The following GPC6 variants were observed in gnomAD, a reference collection of about 807,000 sequenced individuals.
GPC6 encodes the protein glypican 6.
GPC6 carries 14 observed loss-of-function variants against 55.2 expected under a neutral mutation model. The ratio of observed to expected loss-of-function variants is 0.25; its 90% CI spans 0.17 to 0.40. The LOEUF (loss-of-function observed/expected upper bound fraction) is 0.40, where lower values mean the gene tolerates loss of function less well. Ranked by LOEUF, GPC6 falls within the 10% of genes least tolerant of loss-of-function variation. The pLI, the probability that GPC6 is intolerant of heterozygous loss-of-function variation, is 1.00. For missense variants in GPC6, 641 were observed against 708.5 expected, an observed-to-expected ratio of 0.90 and a Z score of 1.08; for synonymous variants, 278 against 259.6, an observed-to-expected ratio of 1.07 and a Z score of -0.68.
At chr13:94,123,461 G>A (rs1481389510) in intron 4 of GPC6, among the ~76,000 whole-genome samples, 4 of 152,044 alleles carry the variant, frequency 2.6e-5, no homozygotes, top group African/African-American at 9.7e-5. Flanking sequence ...TACTGGATAT[G>A]TAAACTTAAT....
intron 2 of GPC6, among the ~76,000 whole-genome samples, chr13:93,787,662 C>A (rs1466230963): frequency 6.6e-6 from 1 of 152,134 alleles, no homozygotes; most frequent in African/African-American, 2.4e-5. Context: ...AAATATTTAT[C>A]TTTTCCTTTT....
chr13:93,783,458 G>C (rs1885720741), intron 2 of GPC6, among the ~76,000 whole-genome samples: 1 of 152,070 alleles, frequency 6.6e-6, no homozygotes, highest in Non-Finnish European at 1.5e-5. Flanking sequence ...CAGTGTAAAA[G>C]CGTTCCTGTT....
At chr13:94,121,236 A>G (rs949589726) in intron 4 of GPC6, among the ~76,000 whole-genome samples, 2 of 152,116 alleles carry the variant, frequency 1.3e-5, no homozygotes, top group South Asian at 2.1e-4. Context: ...CATTGTAATG[A>G]CTGCTTATCT....
intron 4 of GPC6, among the ~76,000 whole-genome samples, chr13:94,225,845 C>T (rs1370287902): frequency 6.6e-6 from 1 of 152,052 alleles, no homozygotes; most frequent in African/African-American, 2.4e-5. Context: ...TTGCAGTGAC[C>T]TTACAGAACA....
In GPC6 at chr13:93,907,708, C is replaced by T. The variant is rs375196870; in HGVS notation, c.711+77163C>T. ...CCAAGTCAGATCTCTGAAGCTGTGA[C>T]TCTATTTAGTAGTTTTATCAGACTA... On this transcript the variant is annotated intron_variant, in intron 3 of 8. Coordinates refer to ENST00000377047, the MANE Select transcript of GPC6 (RefSeq NM_005708.5). Among the ~76,000 whole-genome samples the T allele has an allele frequency of 7.2e-5, 11 of 152,276 alleles. No homozygotes were observed. In the South Asian group the frequency reaches 1.2e-3, roughly 17 times the overall value.
At chr13:93,665,099 T>C (rs1375295876) in intron 2 of GPC6, among the ~76,000 whole-genome samples, 2 of 152,212 alleles carry the variant, frequency 1.3e-5, no homozygotes, top group East Asian at 3.9e-4. Context: ...CCAGAAATTC[T>C]ACTTTAGGAA....
At chr13:93,838,149 C>T (rs1338078359) in intron 3 of GPC6, among the ~76,000 whole-genome samples, 2 of 152,126 alleles carry the variant, frequency 1.3e-5, no homozygotes, top group Non-Finnish European at 2.9e-5. Context: ...AGGCACTTCT[C>T]TATAAGAAAC....
intron 2 of GPC6, among the ~76,000 whole-genome samples, chr13:93,702,870 G>A (rs1427667223): frequency 6.6e-6 from 1 of 152,022 alleles, no homozygotes; most frequent in East Asian, 1.9e-4. Flanking sequence ...TTTGGCTGAA[G>A]GAAATGCTGT....
At chr13:93,543,545 A>C (rs1373851614) in intron 1 of GPC6, among the ~76,000 whole-genome samples, 1 of 152,028 alleles carries the variant, frequency 6.6e-6, no homozygotes, top group Non-Finnish European at 1.5e-5. Context: ...TCATAAAATG[A>C]GTTAGGGAGG....
chr13:94,234,977 A>C (rs1890836600), intron 4 of GPC6, among the ~76,000 whole-genome samples: 1 of 152,184 alleles, frequency 6.6e-6, no homozygotes, highest in Non-Finnish European at 1.5e-5. Context: ...TGAGTTGTTC[A>C]ATGCATAGAG....
intron 1 of GPC6, among the ~76,000 whole-genome samples, chr13:93,487,951 TATATTATTTATTTAC>T (rs1204925379): frequency 6.6e-5 from 10 of 152,256 alleles, no homozygotes; most frequent in African/African-American, 2.2e-4. Flanking sequence ...CTATAACATA[TATATTATTTATTTAC>T]ATATACACAC....
At chr13:93,294,523 G>C (rs1435041322) in intron 1 of GPC6, among the ~76,000 whole-genome samples, 1 of 152,064 alleles carries the variant, frequency 6.6e-6, no homozygotes, top group Non-Finnish European at 1.5e-5. Flanking sequence ...CCTGTGTAAG[G>C]TAGTTCATGC....
chr13:94,370,126 G>T (rs893954112), intron 6 of GPC6, among the ~76,000 whole-genome samples: 2 of 152,210 alleles, frequency 1.3e-5, no homozygotes, highest in African/African-American at 4.8e-5. Context: ...CTTCTACATG[G>T]ACAAAATCAT....
chr13:93,386,061 A>G (rs1295804255), intron 1 of GPC6, among the ~76,000 whole-genome samples: 1 of 150,404 alleles, frequency 6.6e-6, no homozygotes. Context: ...CTCACTGGGT[A>G]ATCTGGGATA....
At chr13:93,486,443 G>T (rs1347601744) in intron 1 of GPC6, among the ~76,000 whole-genome samples, 1 of 152,084 alleles carries the variant, frequency 6.6e-6, no homozygotes, top group Non-Finnish European at 1.5e-5. Context: ...GATACATGAA[G>T]AATTTATTTT....
chr13:94,271,380 G>GCA (rs1195447524), intron 4 of GPC6, among the ~76,000 whole-genome samples: 4,863 of 112,450 alleles, frequency 0.043, 173 homozygotes, highest in African/African-American at 0.1. Flanking sequence ...GCGCGCGCGC[G>GCA]CGCACACACA....
chr13:94,329,819 G>T (rs1877317762), intron 6 of GPC6, among the ~76,000 whole-genome samples: 1 of 149,780 alleles, frequency 6.7e-6, no homozygotes, highest in Non-Finnish European at 1.5e-5. Context: ...TCCTATTTGG[G>T]ACAAAAAAAA....
chr13:93,547,054 G>A (rs1874827942), intron 2 of GPC6, among the ~76,000 whole-genome samples: 1 of 152,206 alleles, frequency 6.6e-6, no homozygotes, highest in East Asian at 1.9e-4. Flanking sequence ...GAGCCGGCCA[G>A]GCATGGTGGC....
At chr13:93,972,680 G>A (rs1272899534) in intron 3 of GPC6, among the ~76,000 whole-genome samples, 1 of 152,090 alleles carries the variant, frequency 6.6e-6, no homozygotes, top group Non-Finnish European at 1.5e-5. Context: ...AAGAGTTTGT[G>A]TCCTACTGCA....
Sources: allele counts gnomAD v4.1 joint callset (sites outside exome capture counted in the v4.1 genomes callset), GRCh38; gene constraint gnomAD v4.1.1; transcripts MANE v1.5; gene names NCBI Gene and HGNC (gene_info 2026-07-23, HGNC 2026-07-21).